The following ATP2B2 variants were observed in gnomAD, a reference collection of about 807,000 sequenced individuals.
The protein encoded by ATP2B2 is plasma membrane calcium-transporting ATPase 2.
A neutral mutation model predicts 120.0 loss-of-function variants in ATP2B2; 15 were observed. The observed-to-expected ratio is 0.12, with a 90% CI of 0.08 to 0.19. ATP2B2 has a LOEUF of 0.19. Ranked by LOEUF, ATP2B2 falls within the 10% of genes least tolerant of loss-of-function variation. The pLI is 1.00. For synonymous variants in ATP2B2, 694 were observed against 700.3 expected (o/e 0.99, Z 0.14); for missense variants, 1,045 against 1,719.8 (o/e 0.61, Z 6.94).
intron 2 of ATP2B2, among the ~76,000 whole-genome samples, chr3:10,569,327 T>C (rs2068074769): frequency 6.6e-6 from 1 of 152,178 alleles, no homozygotes; most frequent in Non-Finnish European, 1.5e-5. Flanking sequence ...TGGGAAGAAT[T>C]AACCCTATTT....
intron 21 of ATP2B2, chr3:10,338,654 T>C (rs1187373964): frequency 2.4e-6 from 1 of 418,688 alleles, no homozygotes; most frequent in Non-Finnish European, 4.4e-6. Flanking sequence ...CCTCTAGGAG[T>C]TGGACAGATG....
chr3:10,646,771 A>G (rs1434017847), intron 1 of ATP2B2, among the ~76,000 whole-genome samples: 1 of 152,188 alleles, frequency 6.6e-6, no homozygotes, highest in Admixed American at 6.5e-5. Context: ...AAGCCCATCA[A>G]TCATTGTGTG....
intron 3 of ATP2B2, among the ~76,000 whole-genome samples, chr3:10,408,416 G>A (rs1465693720): frequency 6.6e-6 from 1 of 152,210 alleles, no homozygotes; most frequent in Non-Finnish European, 1.5e-5. Flanking sequence ...AGGAGCCCTG[G>A]AAACATGGAA....
intron 2 of ATP2B2, among the ~76,000 whole-genome samples, chr3:10,440,031 G>A (rs1157024081): frequency 6.8e-6 from 1 of 147,980 alleles, no homozygotes; most frequent in Non-Finnish European, 1.5e-5. Flanking sequence ...GAGCCCAGGA[G>A]GTCGAGGCTG....
At chr3:10,437,582 G>A (rs531904195) in intron 2 of ATP2B2, among the ~76,000 whole-genome samples, 1 of 152,174 alleles carries the variant, frequency 6.6e-6, no homozygotes, top group East Asian at 1.9e-4. Context: ...GTACAGCAGT[G>A]AGCGTGTCCC....
chr3:10,350,594 G>A lies in ATP2B2; in HGVS notation c.2137-17C>T. 6.2e-7 allele frequency: 1 copy of A among 1,607,876 alleles called. No individual in the cohort carries two copies. The highest frequency in any genetic ancestry group is 1.7e-4 in the Middle Eastern group (1 of 6,032). ...TTCTGGGACCTGGGCAGGAGGGCAGGGGCCATGGGGGAGGGCACCACCTCA... is the reference window on the plus strand; with the variant it reads ...TTCTGGGACCTGGGCAGGAGGGCAGAGGCCATGGGGGAGGGCACCACCTCA... On this transcript the variant is annotated splice_polypyrimidine_tract_variant and intron_variant, in intron 14 of 22. Coordinates refer to ENST00000360273, the MANE Select transcript of ATP2B2 (RefSeq NM_001001331.4).
intron 1 of ATP2B2, among the ~76,000 whole-genome samples, chr3:10,500,095 C>T (rs139338537): frequency 8.4e-4 from 128 of 152,086 alleles, no homozygotes; most frequent in African/African-American, 2.7e-3. Context: ...CCACCAGGCC[C>T]GGCTAACTTT....
At chr3:10,386,536 G>A in intron 6 of ATP2B2, 24 bp from the exon 7 acceptor site, 1 of 1,614,020 alleles carries the variant, frequency 6.2e-7, no homozygotes, top group Non-Finnish European at 8.5e-7. Context: ...TTTGAGACAT[G>A]TTAATGAAGG....
At chr3:10,645,492 T>A (rs143355103) in intron 1 of ATP2B2, among the ~76,000 whole-genome samples, 1 of 152,298 alleles carries the variant, frequency 6.6e-6, no homozygotes, top group Non-Finnish European at 1.5e-5. Flanking sequence ...ATTCAAAAGA[T>A]GCATCTCTAC....
rs1044264277 is a variant in ATP2B2 at position 10,439,455 on chromosome 3, A to G, written c.199+9890T>C. Among the ~76,000 whole-genome samples, 3 of 152,048 alleles carry G rather than the reference A, an allele frequency of 2.0e-5. No homozygotes were observed. The South Asian group carries it at 6.2e-4, about 32-fold the overall frequency. On this transcript the variant is annotated intron_variant, in intron 2 of 22. Coordinates refer to ENST00000360273, the MANE Select transcript of ATP2B2 (RefSeq NM_001001331.4). The stretch of plus-strand genomic sequence containing the variant: ...ATGCATCCCCTTGGGGCCCCCGCAA[A>G]GACCAACTTCGCCTAAGACCCCTGG...
chr3:10,402,307 C>T lies in ATP2B2; in HGVS notation c.439G>A (p.Ala147Thr). The change falls in exon 4 of 23, where the codon GCA becomes ACA. Residue 147 changes from alanine (A) to threonine (T), a missense_variant. Physicochemically the swap from Ala to Thr is moderately conservative, Grantham distance 58. Around this residue, in one of 11 missense-constraint regions of ATP2B2, gnomAD observed 35 missense variants for 37.2 expected, o/e 0.94. Transcript: ENST00000360273. This position sits in a 1 kb window ranked among gnomAD's most constrained non-coding sequence, Gnocchi z 4.9. ...AQGGAEDEGE[A>T]EAGWIEGAAI... ...GCCCCCTCGATCCAACCTGCCTCTG[C>T]CTCTCCTTCATCCTCTGCCCCACCC... 1 of 1,614,066 alleles carries T rather than the reference C, an allele frequency of 6.2e-7. No homozygotes were observed. Among genetic ancestry groups the T allele is most frequent in the Non-Finnish European group, 8.5e-7 (1 of 1,180,040 alleles).
intron 2 of ATP2B2, among the ~76,000 whole-genome samples, chr3:10,567,016 T>G (rs1444563849): frequency 2.0e-5 from 3 of 152,234 alleles, no homozygotes; most frequent in Non-Finnish European, 4.4e-5. Flanking sequence ...GGCCCATGCT[T>G]GGTTCTTGTG....
intron 2 of ATP2B2, among the ~76,000 whole-genome samples, chr3:10,592,944 C>A (rs1489176406): frequency 6.6e-6 from 1 of 152,068 alleles, no homozygotes; most frequent in Non-Finnish European, 1.5e-5. Flanking sequence ...CACCACCACG[C>A]CTGGCTAATT....
rs1167103851 is a variant in ATP2B2 at position 10,328,999 on chromosome 3, G to A, written c.3547C>T (p.Pro1183Ser). ...FRIEDSQPHI[P>S]LIDDTDLEED... ...TCCAGGTCGGTGTCATCAATGAGGG[G>A]GATGTGGGGCTGGGAATCTTCGATC... Residue 1183 changes from proline to serine, a missense_variant, in exon 23 of 23, where the codon CCC becomes TCC. Pro to Ser is a moderately conservative substitution (Grantham distance 74). Around this residue, in one of 11 missense-constraint regions of ATP2B2, gnomAD observed 211 missense variants for 385.1 expected, o/e 0.55. Coordinates refer to ENST00000360273, the MANE Select transcript of ATP2B2 (RefSeq NM_001001331.4). The A allele has an allele frequency of 6.2e-7, 1 of 1,613,888 alleles. No homozygotes were observed. Among genetic ancestry groups the A allele is most frequent in the African/African-American group, 1.3e-5 (1 of 74,848 alleles).
At position 10,400,945 on chromosome 3, in the gene ATP2B2, A is replaced by C. The variant is rs2062199516; in HGVS notation, c.781+8T>G. 3.1e-6 allele frequency: 5 copies of C among 1,613,948 alleles called. No individual in the cohort carries two copies. The African/African-American group carries it at 5.3e-5, about 17-fold the overall frequency. On this transcript the variant is annotated splice_region_variant and intron_variant, in intron 5 of 22. Coordinates refer to ENST00000360273, the MANE Select transcript of ATP2B2 (RefSeq NM_001001331.4). ...CGGGAATGGGCCCAACATCAGGCTGAAGCTCACCTGACAGCAGCATGGGGT... is the reference window on the plus strand; with the variant it reads ...CGGGAATGGGCCCAACATCAGGCTGCAGCTCACCTGACAGCAGCATGGGGT...
intron 8 of ATP2B2, among the ~76,000 whole-genome samples, chr3:10,380,396 G>A (rs2061500309): frequency 6.6e-6 from 1 of 152,234 alleles, no homozygotes; most frequent in African/African-American, 2.4e-5. Flanking sequence ...GATGATGGCT[G>A]CAATGGTGAT....
At chr3:10,632,502 C>T (rs1301232858) in intron 1 of ATP2B2, among the ~76,000 whole-genome samples, 70 of 152,354 alleles carry the variant, frequency 4.6e-4, no homozygotes, top group Non-Finnish European at 4.4e-5. Flanking sequence ...AGGGATCTTA[C>T]ACAGGGATCC....
intron 1 of ATP2B2, among the ~76,000 whole-genome samples, chr3:10,694,203 A>G (rs1027024945): frequency 7.9e-5 from 12 of 152,384 alleles, no homozygotes; most frequent in African/African-American, 2.6e-4. Flanking sequence ...GCACAAGTGC[A>G]TATGTAGCTC....
chr3:10,645,167 A>C (rs1047422306), intron 1 of ATP2B2, among the ~76,000 whole-genome samples: 1 of 152,232 alleles, frequency 6.6e-6, no homozygotes, highest in African/African-American at 2.4e-5. Context: ...AATGTCAACC[A>C]TAGGTGAAGC....
Sources: allele counts gnomAD v4.1 joint callset (sites outside exome capture counted in the v4.1 genomes callset), GRCh38; gene constraint gnomAD v4.1.1; regional missense constraint gnomAD v4.1.1; non-coding constraint Gnocchi (gnomAD v3.1); transcripts MANE v1.5; gene names NCBI Gene and HGNC (gene_info 2026-07-23, HGNC 2026-07-21).